TRAP1: variants seen among roughly 807,000 people sequenced by gnomAD.
The protein encoded by TRAP1 is TNF receptor associated protein 1.
TRAP1 carries 102 observed loss-of-function variants against 89.1 expected under a neutral mutation model. That is an observed-to-expected ratio of 1.15 (90% confidence interval 0.98 to 1.35). TRAP1 has a LOEUF of 1.35. Ranked by LOEUF, TRAP1 falls within the 40% of genes most tolerant of loss-of-function variation. TRAP1 has a pLI of 0.00. For missense variants in TRAP1, 1,256 were observed against 945.3 expected, an observed-to-expected ratio of 1.33 and a Z score of -4.31; for synonymous variants, 508 against 388.0, an observed-to-expected ratio of 1.31 and a Z score of -3.64.
In TRAP1 at chr16:3,663,477, G is replaced by T. The variant is rs765500192; in HGVS notation, c.1655C>A (p.Thr552Lys). 1.1e-5 allele frequency: 18 copies of T among 1,614,024 alleles called. No homozygotes were observed. The highest frequency in any genetic ancestry group is 1.5e-5 in the Non-Finnish European group (18 of 1,180,030). ...CTTGTAGTGATCCACGACTATGTCC[G>T]TCTCCACAGAGATCAGCTTCTTCTT... ...FDKKKLISVE[T>K]DIVVDHYKEE... The change falls in exon 14 of 18, where the codon ACG becomes AAG. Residue 552 changes from threonine to lysine, a missense_variant. By Grantham distance (78) the Thr-to-Lys change is moderately conservative. Coordinates refer to ENST00000246957, the MANE Select transcript of TRAP1 (RefSeq NM_016292.3).
intron 1 of TRAP1, among the ~76,000 whole-genome samples, chr16:3,707,489 G>A (rs182245423): frequency 9.2e-4 from 139 of 151,578 alleles, no homozygotes; most frequent in Admixed American, 1.7e-3. Context: ...CCGGCCTTAA[G>A]AGGAAATGTT....
At chr16:3,676,259 A>T (rs530086939) in intron 6 of TRAP1, 114 bp from the exon 7 acceptor site, 8 of 742,030 alleles carry the variant, frequency 1.1e-5, no homozygotes, top group Non-Finnish European at 1.7e-5. Context: ...AACACACAAC[A>T]CACCTCAAAT....
intron 13 of TRAP1, 146 bp downstream of exon 13, chr16:3,664,128 C>T (rs2050765367): frequency 4.9e-6 from 4 of 809,136 alleles, no homozygotes; most frequent in South Asian, 2.4e-5. Flanking sequence ...CCGTCACAGT[C>T]GGTCCGGCCT....
intron 3 of TRAP1, 108 bp downstream of exon 3, chr16:3,688,947 G>T: frequency 9.8e-7 from 1 of 1,024,456 alleles, no homozygotes; most frequent in Non-Finnish European, 1.4e-6. Context: ...AAAGTTTAAT[G>T]CTTTCTCACA....
intron 1 of TRAP1, among the ~76,000 whole-genome samples, chr16:3,709,670 G>C (rs773203035): frequency 7.9e-5 from 12 of 152,074 alleles, no homozygotes; most frequent in Non-Finnish European, 1.3e-4. Flanking sequence ...GTGTGTGTGA[G>C]ACGGAGTTTT....
Position 3,659,102 on chromosome 16 carries a change from A to ATACAC in TRAP1, c.1941-242_1941-238dup, listed in dbSNP as rs1473396949. The ATACAC allele has an allele frequency of 2.2e-5, 11 of 505,922 alleles. No homozygotes were observed. In the South Asian group the frequency reaches 2.8e-4, roughly 13 times the overall value. 31.3% of individuals were successfully genotyped at this position (505,922 alleles called of 1,614,324 possible). A position where few individuals can be genotyped will look rare whatever the true frequency, so the allele number is the denominator to read the frequency against. On this transcript the variant is annotated intron_variant, in intron 16 of 17. Coordinates refer to ENST00000246957, the MANE Select transcript of TRAP1 (RefSeq NM_016292.3). ...AAGGTAGCCAAACTCCAAGATTAAT[A>ATACAC]TACACTAAAGGGACAAAAGGAGCTT...
In TRAP1 at chr16:3,662,151, G is replaced by A; in HGVS notation, c.1795-19C>T. 6.2e-7 allele frequency: 1 copy of A among 1,605,518 alleles called. No homozygotes were observed. The highest frequency in any genetic ancestry group is 1.1e-5 in the South Asian group (1 of 90,172). ...GGGTCACCTGTGAGCAAAGCCCGGG[G>A]TTGAGGGTGATAGAGGTTCCCAATG... On this transcript the variant is annotated intron_variant, in intron 15 of 17. Transcript: ENST00000246957.
intron 15 of TRAP1, 103 bp from the exon 16 acceptor site, chr16:3,662,235 G>GC: frequency 6.9e-7 from 1 of 1,439,226 alleles, no homozygotes; most frequent in Non-Finnish European, 9.4e-7. Flanking sequence ...GAGGTAGCAG[G>GC]CGGGGTCTCA....
At chr16:3,705,659 T>C (rs370471465) in intron 1 of TRAP1, among the ~76,000 whole-genome samples, 26 of 152,270 alleles carry the variant, frequency 1.7e-4, no homozygotes, top group African/African-American at 5.3e-4. Flanking sequence ...TTTCCATTCA[T>C]CAAATGATGG....
intron 1 of TRAP1, among the ~76,000 whole-genome samples, chr16:3,707,307 T>C: frequency 6.8e-6 from 1 of 148,138 alleles, no homozygotes; most frequent in Non-Finnish European, 1.5e-5. Flanking sequence ...TGCCTCAGCC[T>C]CCCAAGTAGC....
chr16:3,663,990 G>A, intron 13 of TRAP1: 1 of 369,186 alleles, frequency 2.7e-6, no homozygotes, highest in Non-Finnish European at 4.9e-6. Context: ...CTGAACCCAG[G>A]AGGCGGAAGT....
At chr16:3,707,845 G>A (rs188335951) in intron 1 of TRAP1, among the ~76,000 whole-genome samples, 242 of 132,078 alleles carry the variant, frequency 1.8e-3, no homozygotes, top group African/African-American at 6.7e-3. Context: ...CAGACAGAGC[G>A]AGACTCTAAC....
intron 9 of TRAP1, among the ~76,000 whole-genome samples, chr16:3,673,308 C>T (rs1303698379): frequency 1.3e-5 from 2 of 152,234 alleles, no homozygotes; most frequent in African/African-American, 2.4e-5. Context: ...CCTGTGTGCT[C>T]AGAGGGCAGC....
At chr16:3,710,836 ATT>A (rs2051518361) in intron 1 of TRAP1, among the ~76,000 whole-genome samples, 1 of 147,392 alleles carries the variant, frequency 6.8e-6, no homozygotes, top group Non-Finnish European at 1.5e-5. Context: ...CTCAAAATTA[ATT>A]TCTTTTATAT....
In TRAP1 at chr16:3,665,902, C is replaced by A. The variant is rs965300406; in HGVS notation, c.1383+69G>T. 13 of 1,559,328 alleles carry A rather than the reference C, an allele frequency of 8.3e-6. No individual in the cohort carries two copies. The African/African-American group carries it at 1.8e-4, about 22-fold the overall frequency. Reference sequence around the variant, plus strand: ...ACCGTCGCCACATCAGGGGACACCTCCACCAGCTTCCTCAGCAGCCCCAGG... The same window carrying A: ...ACCGTCGCCACATCAGGGGACACCTACACCAGCTTCCTCAGCAGCCCCAGG... On this transcript the variant is annotated intron_variant, in intron 12 of 17. Coordinates refer to ENST00000246957, the MANE Select transcript of TRAP1 (RefSeq NM_016292.3).
At chr16:3,670,382 C>CAA (rs760902038) in intron 11 of TRAP1, among the ~76,000 whole-genome samples, 818 of 22,808 alleles carry the variant, frequency 0.036, 78 homozygotes, top group Non-Finnish European at 0.066. Flanking sequence ...GACTCCGTCT[C>CAA]AAAAAAAAAA....
At chr16:3,671,991 G>T (rs188096725) in intron 10 of TRAP1, among the ~76,000 whole-genome samples, 200 bp from the exon 11 acceptor site, 2 of 152,366 alleles carry the variant, frequency 1.3e-5, no homozygotes, top group Admixed American at 6.5e-5. Flanking sequence ...GTGGGTGGCC[G>T]GGACAGCCTC....
At chr16:3,659,251 G>C (rs1378462356) in intron 16 of TRAP1, 1 of 176,492 alleles carries the variant, frequency 5.7e-6, no homozygotes, top group African/African-American at 2.4e-5. Flanking sequence ...AAGGGGGAAG[G>C]CAAACAACTC....
intron 1 of TRAP1, among the ~76,000 whole-genome samples, chr16:3,693,068 T>C (rs975439697): frequency 3.9e-5 from 6 of 152,100 alleles, no homozygotes; most frequent in African/African-American, 1.4e-4. Context: ...TTCTCCTGTC[T>C]CAGCCTCCAA....
Sources: allele counts gnomAD v4.1 joint callset (sites outside exome capture counted in the v4.1 genomes callset), GRCh38; gene constraint gnomAD v4.1.1; transcripts MANE v1.5; gene names NCBI Gene and HGNC (gene_info 2026-07-23, HGNC 2026-07-21).